CYFIP2: variants seen among roughly 807,000 people sequenced by gnomAD.
The protein encoded by CYFIP2 is cytoplasmic FMR1-interacting protein 2.
Under a neutral mutation model 158.7 loss-of-function variants are expected in CYFIP2, and 29 were observed. The ratio of observed to expected loss-of-function variants is 0.18; its 90% confidence interval spans 0.14 to 0.25. The LOEUF is 0.25. Ranked by LOEUF, CYFIP2 falls within the 10% of genes least tolerant of loss-of-function variation. The pLI, the probability that CYFIP2 is intolerant of heterozygous loss-of-function variation, is 1.00. For missense variants in CYFIP2, 852 were observed against 1,639.5 expected (o/e 0.52, Z 8.29); for synonymous variants, 585 against 617.6 (o/e 0.95, Z 0.78).
intron 20 of CYFIP2, among the ~76,000 whole-genome samples, chr5:157,331,724 G>A (rs10085048): frequency 0.015 from 2,320 of 152,250 alleles, 74 homozygotes; most frequent in African/African-American, 0.053. Flanking sequence ...TTACAATGCA[G>A]CCAGAATTAG....
chr5:157,390,767 G>C, intron 30 of CYFIP2, 99 bp downstream of exon 30: 1 of 1,523,066 alleles, frequency 6.6e-7, no homozygotes, highest in Non-Finnish European at 8.8e-7. Context: ...GTGAAGGCCA[G>C]CTCCCCACAC....
intron 13 of CYFIP2, 147 bp from the exon 14 acceptor site, chr5:157,319,615 C>G (rs1561722853): frequency 5.6e-6 from 5 of 889,092 alleles, no homozygotes; most frequent in Non-Finnish European, 6.7e-6. Context: ...ACATCTCTTA[C>G]CTAGCCATGC....
chr5:157,294,757 C>G (rs1314665919), intron 3 of CYFIP2, 26 bp from the exon 4 acceptor site: 3 of 1,610,172 alleles, frequency 1.9e-6, no homozygotes, highest in Non-Finnish European at 2.5e-6. Context: ...TTGTTCCTCC[C>G]TGCTGAGGCT....
intron 28 of CYFIP2, among the ~76,000 whole-genome samples, chr5:157,386,237 A>AG (rs2113532806): frequency 6.6e-6 from 1 of 152,274 alleles, no homozygotes; most frequent in Non-Finnish European, 1.5e-5. Context: ...ATTATTATTG[A>AG]GACAGGGTCT....
intron 20 of CYFIP2, among the ~76,000 whole-genome samples, chr5:157,331,514 C>T (rs1761461698): frequency 6.6e-6 from 1 of 151,604 alleles, no homozygotes; most frequent in Admixed American, 6.6e-5. Flanking sequence ...TGTGAAAGGG[C>T]CAGGCTGAGG....
chr5:157,283,445 T>C (rs1411216612), intron 1 of CYFIP2, among the ~76,000 whole-genome samples: 1 of 151,808 alleles, frequency 6.6e-6, no homozygotes, highest in African/African-American at 2.4e-5. Context: ...CTTTTTTTTT[T>C]CTTTTCTTTC....
chr5:157,323,843 A>T, intron 15 of CYFIP2, 78 bp from the exon 16 acceptor site: 1 of 1,403,394 alleles, frequency 7.1e-7, no homozygotes, highest in Non-Finnish European at 9.3e-7. Context: ...AAAAATACAT[A>T]AATACAACAT....
chr5:157,285,249 T>G (rs935452774), intron 1 of CYFIP2, 90 bp from the exon 2 acceptor site: 2 of 851,590 alleles, frequency 2.3e-6, no homozygotes, highest in African/African-American at 3.4e-5. Context: ...ACTCTCTTTA[T>G]TCTCCCAAAG....
intron 2 of CYFIP2, among the ~76,000 whole-genome samples, chr5:157,286,567 T>C (rs576391216): frequency 6.7e-6 from 1 of 148,860 alleles, no homozygotes; most frequent in South Asian, 2.1e-4. Context: ...TATATATATA[T>C]ATATATATAT....
At chr5:157,288,045 A>G (rs1281424461) in intron 3 of CYFIP2, among the ~76,000 whole-genome samples, 1 of 152,050 alleles carries the variant, frequency 6.6e-6, no homozygotes, top group Non-Finnish European at 1.5e-5. Context: ...GTGAGCCATG[A>G]TCGTATCACT....
rs187495376 is a variant in CYFIP2 at position 157,370,658 on chromosome 5, C to G, written c.3039+9060C>G. On this transcript the variant is annotated intron_variant, in intron 26 of 30. Transcript: ENST00000620254. ...AAGAACTTGCTCACTGTGTGGCTCA[C>G]TATGATTAAATCACATTTCCTTGTA... Among the ~76,000 whole-genome samples the G allele has an allele frequency of 1.2e-3, 185 of 152,318 alleles. 1 individual carries two copies. Among genetic ancestry groups the G allele is most frequent in the African/African-American group, 4.2e-3 (175 of 41,574 alleles).
chr5:157,338,663 C>T (rs894646768), intron 21 of CYFIP2, among the ~76,000 whole-genome samples: 10 of 152,190 alleles, frequency 6.6e-5, no homozygotes, highest in Non-Finnish European at 1.5e-4. Context: ...TAGGGTTCAA[C>T]CTAATAGTAA....
chr5:157,293,011 TATGTATG>T (rs1037796480), intron 3 of CYFIP2, among the ~76,000 whole-genome samples: 6 of 36,128 alleles, frequency 1.7e-4, no homozygotes, highest in African/African-American at 1.0e-3. Context: ...TGAGCCCAGA[TATGTATG>T]TATGTATGTA....
At chr5:157,292,815 C>CCGCT in intron 3 of CYFIP2, among the ~76,000 whole-genome samples, 1 of 151,948 alleles carries the variant, frequency 6.6e-6, no homozygotes, top group East Asian at 2.0e-4. Flanking sequence ...TGTTGTGACA[C>CCGCT]TGCCAGATTA....
chr5:157,293,244 C>T (rs992743209), intron 3 of CYFIP2, among the ~76,000 whole-genome samples: 10 of 152,082 alleles, frequency 6.6e-5, no homozygotes, highest in South Asian at 4.1e-4. Flanking sequence ...TTAGTAGAGA[C>T]GGGGTTTTGC....
chr5:157,295,150 A>G (rs1034801032), intron 4 of CYFIP2, among the ~76,000 whole-genome samples: 2 of 152,178 alleles, frequency 1.3e-5, no homozygotes, highest in Non-Finnish European at 2.9e-5. Context: ...AAGTAAAAAG[A>G]AAGATGTTCC....
chr5:157,311,829 A>T lies in CYFIP2; in HGVS notation c.1110+48A>T, dbSNP rs1332597782. 2 of 1,505,340 alleles carry T rather than the reference A, an allele frequency of 1.3e-6. No homozygotes were observed. Among genetic ancestry groups the T allele is most frequent in the East Asian group, 4.9e-5 (2 of 40,966 alleles). 93.2% of individuals were successfully genotyped at this position (1,505,340 alleles called of 1,614,324 possible). Reference sequence around the variant, plus strand: ...CACAGGCCCGTGGGCCCAGGGCCAGAAGGGGTAAGGAGCAGCCAGGAAAGA... The same window carrying T: ...CACAGGCCCGTGGGCCCAGGGCCAGTAGGGGTAAGGAGCAGCCAGGAAAGA... On this transcript the variant is annotated intron_variant, in intron 11 of 30. Transcript: ENST00000620254. This position sits in a 1 kb window ranked among gnomAD's most constrained non-coding sequence, Gnocchi z 4.7.
Position 157,341,171 on chromosome 5 carries a change from C to T in CYFIP2, c.2673+14C>T. ...TATGGATCCAAGGTAAGTAGTCCTG[C>T]CCTACCCTGCCTAGAAGAGGGTTGG... On this transcript the variant is annotated intron_variant, in intron 23 of 30. Coordinates refer to ENST00000620254, the MANE Select transcript of CYFIP2 (RefSeq NM_001037333.3). 1 of 1,610,286 alleles carries T rather than the reference C, an allele frequency of 6.2e-7. No homozygotes were observed. The highest frequency in any genetic ancestry group is 1.1e-5 in the South Asian group (1 of 91,022).
chr5:157,307,647 G>A (rs1432280873), intron 8 of CYFIP2, 114 bp from the exon 9 acceptor site: 4 of 609,294 alleles, frequency 6.6e-6, no homozygotes, highest in African/African-American at 5.6e-5. Flanking sequence ...GTGTGTGTGT[G>A]TGTGTGTGTA....
Sources: allele counts gnomAD v4.1 joint callset (sites outside exome capture counted in the v4.1 genomes callset), GRCh38; gene constraint gnomAD v4.1.1; non-coding constraint Gnocchi (gnomAD v3.1); transcripts MANE v1.5; gene names NCBI Gene and HGNC (gene_info 2026-07-23, HGNC 2026-07-21).